The following CTNNA3 variants were observed in gnomAD, a reference collection of about 807,000 sequenced individuals.
CTNNA3 encodes the protein catenin alpha-3.
In CTNNA3, 76 loss-of-function variants were observed where a neutral mutation model predicts 95.7. That is an observed-to-expected ratio of 0.79 (90% CI 0.66 to 0.96). The LOEUF (loss-of-function observed/expected upper bound fraction) is 0.96, where lower values mean the gene tolerates loss of function less well. Among genes scored for constraint, CTNNA3 ranks in the 40% least tolerant of loss-of-function variants. The pLI is 0.00. For synonymous variants in CTNNA3, 431 were observed against 374.4 expected, an observed-to-expected ratio of 1.15 and a Z score of -1.74; for missense variants, 1,191 against 1,089.8, an observed-to-expected ratio of 1.09 and a Z score of -1.31.
intron 6 of CTNNA3, among the ~76,000 whole-genome samples, chr10:67,202,463 C>A (rs912909264): frequency 1.5e-4 from 23 of 152,138 alleles, no homozygotes; most frequent in African/African-American, 5.6e-4. Context: ...CAAACTGTAT[C>A]TTAAAACAAG....
intron 5 of CTNNA3, among the ~76,000 whole-genome samples, chr10:67,416,607 CAAAAAAAAAAAAAA>C (rs368513767): frequency 2.1e-4 from 8 of 38,332 alleles, no homozygotes; most frequent in Admixed American, 7.9e-4. Flanking sequence ...GACTCTGTCT[CAAAAAAAAAAAAAA>C]AAAAAAAAAA....
chr10:66,752,759 TAA>T (rs1287957832), intron 9 of CTNNA3, among the ~76,000 whole-genome samples: 2 of 151,844 alleles, frequency 1.3e-5, no homozygotes, highest in Non-Finnish European at 2.9e-5. Context: ...GAAAATAAAA[TAA>T]AAGATATCCA....
At chr10:67,534,062 A>G (rs1169912495) in intron 4 of CTNNA3, among the ~76,000 whole-genome samples, 1 of 151,964 alleles carries the variant, frequency 6.6e-6, no homozygotes, top group Admixed American at 6.6e-5. Flanking sequence ...CAGGAGGGAA[A>G]AAAAAAAAGT....
At chr10:67,758,163 C>T (rs1301091922) in intron 1 of CTNNA3, among the ~76,000 whole-genome samples, 2 of 152,170 alleles carry the variant, frequency 1.3e-5, no homozygotes, top group South Asian at 2.1e-4. Flanking sequence ...CTTTCAGACC[C>T]GAACTGAACT....
intron 4 of CTNNA3, among the ~76,000 whole-genome samples, chr10:67,534,687 C>T (rs1301066171): frequency 6.6e-6 from 1 of 151,936 alleles, no homozygotes; most frequent in Admixed American, 6.6e-5. Context: ...TGTGTCTATT[C>T]GTGCAAGGGG....
At chr10:65,982,495 C>A (rs2078340096) in intron 16 of CTNNA3, among the ~76,000 whole-genome samples, 1 of 150,414 alleles carries the variant, frequency 6.6e-6, no homozygotes, top group Non-Finnish European at 1.5e-5. Context: ...AGTAACCCCA[C>A]TACTAGATAT....
At chr10:67,290,014 C>G (rs887758760) in intron 5 of CTNNA3, among the ~76,000 whole-genome samples, 2 of 152,072 alleles carry the variant, frequency 1.3e-5, no homozygotes, top group South Asian at 4.2e-4. Context: ...CTGTGTTGCC[C>G]AAACTGGCCT....
chr10:67,741,698 A>G, intron 1 of CTNNA3, among the ~76,000 whole-genome samples: 1 of 151,304 alleles, frequency 6.6e-6, no homozygotes, highest in East Asian at 1.9e-4. Flanking sequence ...TCCAATTAAA[A>G]GACACAGACT....
rs1839853537 is a variant in CTNNA3 at position 66,766,349 on chromosome 10, A to G, written c.1196T>C (p.Leu399Pro). The change falls in exon 9 of 18, where the codon CTC (leucine) becomes CCC (proline). Residue 399 changes from leucine to proline, a missense_variant. Coordinates refer to ENST00000433211, the MANE Select transcript of CTNNA3 (RefSeq NM_013266.4). ...FLDTTVPLLV[L>P]IEAAKNGREK... ...CCGGCCATTCTTAGCAGCTTCAATG[A>G]GAACCAAAAGAGGGACTGTCGTATC... 2 of 1,613,642 alleles carry G rather than the reference A, an allele frequency of 1.2e-6. No individual in the cohort carries two copies. The highest frequency in any genetic ancestry group is 1.3e-5 in the African/African-American group (1 of 74,894).
rs368450545 is a variant in CTNNA3, at chr10:66,775,428, C to T, written c.1128+16G>A. On this transcript the variant is annotated intron_variant, in intron 8 of 17. Transcript: ENST00000433211. The stretch of plus-strand genomic sequence containing the variant: ...AGCCCCTATGTTTCTGACTCCATAT[C>T]TCTCTCTTCCCTCACCTGTCTGCGA... 1.3e-6 allele frequency: 2 copies of T among 1,562,986 alleles called. No individual in the cohort carries two copies.
intron 7 of CTNNA3, among the ~76,000 whole-genome samples, chr10:67,058,337 A>G (rs1855562306): frequency 6.6e-6 from 1 of 152,124 alleles, no homozygotes; most frequent in Admixed American, 6.6e-5. Flanking sequence ...CAGATAACAT[A>G]TTGTTTTATG....
At chr10:67,712,214 G>A (rs1405164877) in intron 1 of CTNNA3, among the ~76,000 whole-genome samples, 4 of 152,176 alleles carry the variant, frequency 2.6e-5, no homozygotes, top group Non-Finnish European at 4.4e-5. Context: ...TACTGTTAAA[G>A]GCATTCAGTT....
At chr10:67,183,736 G>C (rs1862698976) in intron 6 of CTNNA3, among the ~76,000 whole-genome samples, 2 of 151,624 alleles carry the variant, frequency 1.3e-5, no homozygotes, top group African/African-American at 4.8e-5. Flanking sequence ...ACTCCAAAAA[G>C]TTCACGTAAA....
chr10:67,154,846 C>T (rs560623925), intron 7 of CTNNA3, among the ~76,000 whole-genome samples: 13 of 152,288 alleles, frequency 8.5e-5, no homozygotes, highest in Non-Finnish European at 1.8e-4. Flanking sequence ...CCAGAATTCA[C>T]GGGCACTGAG....
intron 1 of CTNNA3, among the ~76,000 whole-genome samples, chr10:67,708,565 C>T (rs1841090476): frequency 6.6e-6 from 1 of 152,158 alleles, no homozygotes; most frequent in African/African-American, 2.4e-5. Flanking sequence ...GAAGCATTAA[C>T]ACACTTAATT....
intron 6 of CTNNA3, among the ~76,000 whole-genome samples, chr10:67,206,006 C>A (rs1001143584): frequency 1.3e-5 from 2 of 152,146 alleles, no homozygotes; most frequent in Non-Finnish European, 2.9e-5. Flanking sequence ...CATCAAAGAA[C>A]GTAGTGTCCC....
chr10:66,027,924 T>C (rs1204461318), intron 15 of CTNNA3, among the ~76,000 whole-genome samples: 1 of 152,154 alleles, frequency 6.6e-6, no homozygotes, highest in African/African-American at 2.4e-5. Flanking sequence ...TACACAAATG[T>C]TGACAATGAC....
At chr10:67,359,667 T>A (rs1051241698) in intron 5 of CTNNA3, among the ~76,000 whole-genome samples, 6 of 151,908 alleles carry the variant, frequency 3.9e-5, no homozygotes, top group African/African-American at 1.2e-4. Context: ...AAGAAAAAAA[T>A]TTTTTGATGA....
intron 7 of CTNNA3, among the ~76,000 whole-genome samples, chr10:67,172,683 C>T (rs1430543824): frequency 2.0e-5 from 3 of 152,058 alleles, no homozygotes; most frequent in South Asian, 2.1e-4. Context: ...TCAGAAGTAA[C>T]GCAGTTTTGG....
Sources: allele counts gnomAD v4.1 joint callset (sites outside exome capture counted in the v4.1 genomes callset), GRCh38; gene constraint gnomAD v4.1.1; transcripts MANE v1.5; gene names NCBI Gene and HGNC (gene_info 2026-07-23, HGNC 2026-07-21).